The following CRKL variants were observed in gnomAD, a reference collection of about 807,000 sequenced individuals.
CRKL encodes the protein CRK like proto-oncogene, adaptor protein.
A neutral mutation model predicts 23.0 loss-of-function variants in CRKL; 3 were observed. That is an observed-to-expected ratio of 0.13 (90% CI 0.06 to 0.34). CRKL has a LOEUF of 0.34. CRKL is among the 10% of genes least tolerant of loss of function. The pLI is 1.00. For missense variants in CRKL, 256 were observed against 394.5 expected (o/e 0.65, Z 2.97); for synonymous variants, 188 against 160.7 (o/e 1.17, Z -1.28).
intron 1 of CRKL, among the ~76,000 whole-genome samples, chr22:20,929,994 A>G (rs1160455188): frequency 6.6e-6 from 1 of 152,198 alleles, no homozygotes; most frequent in African/African-American, 2.4e-5. Context: ...GTTTGAGAAT[A>G]TAGGGCAGAG....
At chr22:20,926,444 G>C (rs1198189245) in intron 1 of CRKL, among the ~76,000 whole-genome samples, 1 of 152,164 alleles carries the variant, frequency 6.6e-6, no homozygotes, top group Non-Finnish European at 1.5e-5. Flanking sequence ...AAGGTGAGGG[G>C]AGAGGTATGA....
chr22:20,934,890 T>G (rs983914381), intron 2 of CRKL, among the ~76,000 whole-genome samples: 4 of 142,590 alleles, frequency 2.8e-5, no homozygotes, highest in Non-Finnish European at 4.5e-5. Flanking sequence ...CTCCGCTCAC[T>G]GCAAGCTCCA....
At chr22:20,942,140 A>T (rs950948447) in intron 2 of CRKL, among the ~76,000 whole-genome samples, 1 of 152,210 alleles carries the variant, frequency 6.6e-6, no homozygotes, top group African/African-American at 2.4e-5. Flanking sequence ...GAATTTACCT[A>T]TTCTACCTAC....
chr22:20,934,166 A>T lies in CRKL; in HGVS notation c.699A>T (p.Thr233=), dbSNP rs936484318. The change falls in exon 2 of 3, where the codon ACA becomes ACT. Residue 233 remains threonine, a synonymous_variant. Coordinates refer to ENST00000354336, the MANE Select transcript of CRKL (RefSeq NM_005207.4). Reference sequence around the variant, plus strand: ...CAGCAATCACCCCTTTGCCATCCACACAGAATGGACCTGTCTTTGCGAAAG... The same window carrying T: ...CAGCAATCACCCCTTTGCCATCCACTCAGAATGGACCTGTCTTTGCGAAAG... ...PGAAITPLPS[T]QNGPVFAKAI... 1 of 1,614,210 alleles carries T rather than the reference A, an allele frequency of 6.2e-7. No homozygotes were observed. Among genetic ancestry groups the T allele is most frequent in the Non-Finnish European group, 8.5e-7 (1 of 1,180,050 alleles).
At chr22:20,928,146 G>A (rs1043068685) in intron 1 of CRKL, among the ~76,000 whole-genome samples, 27 of 152,114 alleles carry the variant, frequency 1.8e-4, no homozygotes, top group African/African-American at 6.0e-4. Context: ...AATAGAGTGA[G>A]ACTCTGTCTC....
At chr22:20,925,129 A>C (rs1481173524) in intron 1 of CRKL, among the ~76,000 whole-genome samples, 1 of 147,538 alleles carries the variant, frequency 6.8e-6, no homozygotes. Flanking sequence ...CAGAGGTTGC[A>C]CTGAGCCAAG....
intron 1 of CRKL, among the ~76,000 whole-genome samples, chr22:20,919,762 C>G (rs1003104377): frequency 7.9e-5 from 12 of 151,444 alleles, no homozygotes; most frequent in African/African-American, 2.4e-4. Flanking sequence ...ATTTGTCGAC[C>G]GGGTATTACT....
At chr22:20,949,242 C>G (rs1234748332) in intron 2 of CRKL, among the ~76,000 whole-genome samples, 1 of 152,182 alleles carries the variant, frequency 6.6e-6, no homozygotes, top group Admixed American at 6.5e-5. Flanking sequence ...CCTCTCACTT[C>G]AGCCTCCTGA....
chr22:20,924,010 G>A (rs73162881), intron 1 of CRKL, among the ~76,000 whole-genome samples: 10,470 of 151,918 alleles, frequency 0.069, 357 homozygotes, highest in East Asian at 0.08. Flanking sequence ...AAGATAGTGA[G>A]ACCCCATTCC....
intron 1 of CRKL, among the ~76,000 whole-genome samples, chr22:20,918,833 G>T (rs921617488): frequency 1.3e-5 from 2 of 152,010 alleles, no homozygotes; most frequent in African/African-American, 2.4e-5. Context: ...CTCGTGATCC[G>T]CCTGCCTCGG....
intron 2 of CRKL, among the ~76,000 whole-genome samples, chr22:20,945,036 C>T (rs752346211): frequency 1.3e-4 from 19 of 151,472 alleles, no homozygotes; most frequent in South Asian, 2.1e-4. Context: ...CTCTATCACC[C>T]GGGCTGGAGT....
At chr22:20,949,160 C>T (rs938799524) in intron 2 of CRKL, among the ~76,000 whole-genome samples, 2 of 152,078 alleles carry the variant, frequency 1.3e-5, no homozygotes, top group Admixed American at 6.5e-5. Context: ...GGGTCTCACT[C>T]GGTTGCCCAG....
chr22:20,922,317 G>A (rs4624490), intron 1 of CRKL, among the ~76,000 whole-genome samples: 97,538 of 151,538 alleles, frequency 0.64, 32,021 homozygotes, highest in South Asian at 0.81. Flanking sequence ...CACCCTCTCC[G>A]GCCTGGGAGT....
chr22:20,920,644 C>T (rs1162142218), intron 1 of CRKL, among the ~76,000 whole-genome samples: 1 of 152,156 alleles, frequency 6.6e-6, no homozygotes, highest in Non-Finnish European at 1.5e-5. Context: ...GTAATTCTGT[C>T]TTTGCCCTCT....
chr22:20,932,286 G>A (rs1406593736), intron 1 of CRKL, among the ~76,000 whole-genome samples: 1 of 151,930 alleles, frequency 6.6e-6, no homozygotes, highest in African/African-American at 2.4e-5. Flanking sequence ...TTTTTTGTCT[G>A]TTTAGTAGAG....
At position 20,949,892 on chromosome 22, in the gene CRKL, G is replaced by T; in HGVS notation, c.*47G>T. ...CTGCTTTGTTGTTCTGCCTGTCCTA[G>T]TCTCCTTTGAAGTGGGAAAGCATTT... On this transcript the variant is annotated 3_prime_UTR_variant, in exon 3 of 3. Coordinates refer to ENST00000354336, the MANE Select transcript of CRKL (RefSeq NM_005207.4). 2.5e-6 allele frequency: 4 copies of T among 1,573,300 alleles called. No individual in the cohort carries two copies. Among genetic ancestry groups the T allele is most frequent in the Non-Finnish European group, 3.4e-6 (4 of 1,163,406 alleles).
intron 2 of CRKL, among the ~76,000 whole-genome samples, chr22:20,937,743 G>T (rs1921715907): frequency 1.3e-5 from 2 of 152,038 alleles, no homozygotes; most frequent in African/African-American, 4.8e-5. Context: ...CTGAGCTTCA[G>T]CCAAGGGTTT....
At chr22:20,925,000 C>T (rs935399208) in intron 1 of CRKL, among the ~76,000 whole-genome samples, 1 of 151,862 alleles carries the variant, frequency 6.6e-6, no homozygotes, top group African/African-American at 2.4e-5. Context: ...CCATCCTGGC[C>T]AACATAGTGA....
chr22:20,937,877 AT>A (rs200827212), intron 2 of CRKL, among the ~76,000 whole-genome samples: 2,040 of 147,168 alleles, frequency 0.014, 17 homozygotes, highest in East Asian at 0.054. Context: ...GCATAAGTAA[AT>A]TTTTTTTTTT....
Sources: allele counts gnomAD v4.1 joint callset (sites outside exome capture counted in the v4.1 genomes callset), GRCh38; gene constraint gnomAD v4.1.1; transcripts MANE v1.5; gene names NCBI Gene and HGNC (gene_info 2026-07-23, HGNC 2026-07-21).